Variants in SPATA22 observed in about 807,000 individuals in gnomAD.
The protein encoded by SPATA22 is spermatogenesis-associated protein 22.
In SPATA22, 29 loss-of-function variants were observed where a neutral mutation model predicts 47.8. That is an observed-to-expected ratio of 0.61 (90% confidence interval 0.45 to 0.83). The LOEUF (loss-of-function observed/expected upper bound fraction) is 0.83. Among genes scored for constraint, SPATA22 ranks in the 40% least tolerant of loss-of-function variants. SPATA22 has a pLI of 0.00. For synonymous variants in SPATA22, 133 were observed against 140.9 expected (o/e 0.94, Z 0.40); for missense variants, 410 against 421.7 (o/e 0.97, Z 0.24).
At position 3,448,819 on chromosome 17, in the gene SPATA22, G is replaced by A. The variant is rs767675301; in HGVS notation, c.660C>T (p.Asp220=). ...KKQMLDDIPE[D]NTLKETSLYQ... ...TTTAAACATTTACCTTCAGGGTGTT[G>A]TCTTCTGGAATATCATCCAACATTT... is the stretch of plus-strand genomic sequence containing the variant. Residue 220 remains aspartate (D), a synonymous_variant, in exon 6 of 9, where the codon GAC becomes GAT. Coordinates refer to ENST00000572969, the MANE Select transcript of SPATA22 (RefSeq NM_001170698.2). 1.2e-6 allele frequency: 2 copies of A among 1,602,504 alleles called. No individual in the cohort carries two copies. Among genetic ancestry groups the A allele is most frequent in the East Asian group, 2.2e-5 (1 of 44,704 alleles).
intron 2 of SPATA22, 143 bp from the exon 3 acceptor site, chr17:3,467,697 GATTTT>G: frequency 1.6e-6 from 1 of 633,012 alleles, no homozygotes; most frequent in East Asian, 3.5e-5. Flanking sequence ...ACCTTAGAAT[GATTTT>G]TACATTCTTT....
upstream of SPATA22, chr17:3,476,395 G>T (rs1461175227): frequency 6.2e-7 from 1 of 1,613,364 alleles, no homozygotes; most frequent in South Asian, 1.1e-5. Flanking sequence ...GAAAATCTTG[G>T]GTAAGACTAT....
chr17:3,481,729 C>T lies in SPATA22; in HGVS notation c.-73-12331G>A, dbSNP rs1433835279. 6.2e-7 allele frequency: 1 copy of T among 1,613,718 alleles called. No homozygotes were observed. The highest frequency in any genetic ancestry group is 8.5e-7 in the Non-Finnish European group (1 of 1,179,768). Reference sequence around the variant, plus strand: ...TTGACCTTCACAACACCACCTCTAACATGGGGTGCACTCTTATTCTTGAGG... The same window carrying T: ...TTGACCTTCACAACACCACCTCTAATATGGGGTGCACTCTTATTCTTGAGG... On this transcript the variant is annotated intron_variant, in intron 1 of 8. Coordinates refer to the SPATA22 transcript ENST00000541913.
At position 3,449,166 on chromosome 17, in the gene SPATA22, A is replaced by C; in HGVS notation, c.330-17T>G. 6.6e-7 allele frequency: 1 copy of C among 1,507,528 alleles called. No homozygotes were observed. The highest frequency in any genetic ancestry group is 1.3e-5 in the South Asian group (1 of 78,460). 93.4% of individuals were successfully genotyped at this position (1,507,528 alleles called of 1,614,324 possible). On this transcript the variant is annotated splice_polypyrimidine_tract_variant and intron_variant, in intron 5 of 8. Transcript: ENST00000572969. The stretch of plus-strand genomic sequence containing the variant: ...TCTCTGTAGCTGTAATAGTGCAAAA[A>C]AAAAGCATTTGTTTCTATATGGTTT...
At chr17:3,449,191 T>A (rs1453829056) in intron 5 of SPATA22, 42 bp from the exon 6 acceptor site, 1 of 1,379,352 alleles carries the variant, frequency 7.2e-7, no homozygotes, top group South Asian at 1.4e-5. Flanking sequence ...CTATATGGTT[T>A]CTTAATTACA....
intron 3 of SPATA22, among the ~76,000 whole-genome samples, chr17:3,466,058 CA>C (rs1278180012): frequency 6.6e-6 from 1 of 151,556 alleles, no homozygotes; most frequent in East Asian, 1.9e-4. Context: ...TTTTTATACA[CA>C]AAAATTGGAA....
intron 6 of SPATA22, among the ~76,000 whole-genome samples, chr17:3,447,116 A>T (rs543744986): frequency 5.9e-5 from 9 of 152,300 alleles, no homozygotes; most frequent in African/African-American, 2.2e-4. Flanking sequence ...AAGTAAACAT[A>T]TAACAGAATG....
rs8075119 is a variant in SPATA22 at position 3,490,266 on chromosome 17, C to T, written c.-73-20868G>A. 0.27 allele frequency among the ~76,000 whole-genome samples: 40,916 copies of T among 151,972 alleles called. 6,007 individuals are homozygous for T. The highest frequency in any genetic ancestry group is 0.42 in the East Asian group (2,157 of 5,170). On this transcript the variant is annotated intron_variant, in intron 1 of 8. Transcript: ENST00000541913. The surrounding 1 kb of genome is among the most constrained non-coding windows in gnomAD (Gnocchi z 4.6). ...TTTCTGTAATTAAAAATTAATTAAA[C>T]GGGGACTGGTGGACAAGGTGGGTAT...
intron 1 of SPATA22, among the ~76,000 whole-genome samples, chr17:3,504,114 C>G (rs1033755159): frequency 6.6e-6 from 1 of 152,148 alleles, no homozygotes; most frequent in African/African-American, 2.4e-5. Context: ...CACCTCCCAC[C>G]CCACCTCAGA....
chr17:3,499,015 A>C, intron 1 of SPATA22: 1 of 1,614,236 alleles, frequency 6.2e-7, no homozygotes, highest in Non-Finnish European at 8.5e-7. Context: ...GCATATTACG[A>C]AAAGAAAGAA....
intron 1 of SPATA22, chr17:3,502,520 T>C (rs991310903): frequency 3.9e-5 from 6 of 152,260 alleles, no homozygotes; most frequent in African/African-American, 1.4e-4. Flanking sequence ...ACTTCAGCAT[T>C]CGTTGCGAAA....
At chr17:3,492,652 G>A (rs1226009606) in intron 1 of SPATA22, among the ~76,000 whole-genome samples, 3 of 152,100 alleles carry the variant, frequency 2.0e-5, no homozygotes, top group Non-Finnish European at 4.4e-5. Flanking sequence ...AACCCTGTAC[G>A]TGTACCATTA....
In SPATA22 at chr17:3,502,792, T is replaced by A. The variant is rs562330334; in HGVS notation, c.-74+10620A>T. 9.5e-4 allele frequency: 145 copies of A among 152,390 alleles called. 1 individual carries two copies. Among genetic ancestry groups the A allele is most frequent in the African/African-American group, 3.4e-3 (142 of 41,592 alleles). The allele number at this position is 152,390 out of a possible 1,614,324, so 9.4% of individuals were successfully genotyped here. A position where few individuals can be genotyped will look rare whatever the true frequency, so the allele number is the denominator to read the frequency against. ...CATGGAAAATTTGGAAGAGGCCTAT[T>A]CTTCACAGCTGTCACTTCTCATTTT... On this transcript the variant is annotated intron_variant, in intron 1 of 8. Transcript: ENST00000541913.
At chr17:3,481,765 T>C in intron 1 of SPATA22, 1 of 1,612,320 alleles carries the variant, frequency 6.2e-7, no homozygotes, top group African/African-American at 1.3e-5. Flanking sequence ...ATTCCAGGAA[T>C]AACTTTTTAA....
intron 6 of SPATA22, among the ~76,000 whole-genome samples, chr17:3,447,427 G>A (rs1209678039): frequency 1.4e-5 from 2 of 138,846 alleles, no homozygotes; most frequent in Non-Finnish European, 3.2e-5. Flanking sequence ...CCCGCTTAAC[G>A]AAGATTCTAA....
At chr17:3,491,954 T>C (rs2073833869) in intron 1 of SPATA22, among the ~76,000 whole-genome samples, 3 of 142,222 alleles carry the variant, frequency 2.1e-5, no homozygotes, top group Non-Finnish European at 4.5e-5. Flanking sequence ...CACAGCTCAA[T>C]GGAGCCTCAA....
intron 3 of SPATA22, among the ~76,000 whole-genome samples, chr17:3,465,187 T>C (rs112467069): frequency 4.9e-4 from 62 of 125,824 alleles, no homozygotes; most frequent in Middle Eastern, 5.0e-3. Flanking sequence ...GCCAGCCGCC[T>C]CGTCCAGGAG....
At chr17:3,451,470 T>C (rs1442205177) in intron 5 of SPATA22, among the ~76,000 whole-genome samples, 2 of 152,076 alleles carry the variant, frequency 1.3e-5, no homozygotes, top group Non-Finnish European at 2.9e-5. Context: ...CCAAAAGACA[T>C]ATATGGAATT....
intron 1 of SPATA22, among the ~76,000 whole-genome samples, chr17:3,504,245 C>T (rs2074020728): frequency 6.6e-6 from 1 of 152,198 alleles, no homozygotes; most frequent in African/African-American, 2.4e-5. Flanking sequence ...TCTATCCCAT[C>T]TTGAGGGCAT....
Sources: gnomAD v4.1 joint callset for allele counts (sites outside exome capture counted in the v4.1 genomes callset) on GRCh38, gnomAD v4.1.1 for gene constraint, Gnocchi (gnomAD v3.1) non-coding constraint, MANE v1.5 for transcripts, NCBI Gene and HGNC (gene_info 2026-07-23, HGNC 2026-07-21) for gene names.